Variants in BACH2 observed in about 807,000 individuals in gnomAD.
BACH2 encodes transcription regulator protein BACH2.
A neutral mutation model predicts 61.8 loss-of-function variants in BACH2; 5 were observed. That is an observed-to-expected ratio of 0.08 (90% CI 0.04 to 0.17). The LOEUF (loss-of-function observed/expected upper bound fraction) is 0.17, where lower values mean the gene tolerates loss of function less well. Ranked by LOEUF, BACH2 falls within the 10% of genes least tolerant of loss-of-function variation. The pLI, the probability that BACH2 is intolerant of heterozygous loss-of-function variation, is 1.00. For missense variants in BACH2, 824 were observed against 1,091.1 expected (o/e 0.76, Z 3.45); for synonymous variants, 446 against 440.1 (o/e 1.01, Z -0.17).
intron 5 of BACH2, among the ~76,000 whole-genome samples, chr6:90,051,049 G>C (rs1466768254): frequency 6.6e-6 from 1 of 151,998 alleles, no homozygotes; most frequent in Non-Finnish European, 1.5e-5. Context: ...TGGGATTACA[G>C]GCTTTTACAG....
At chr6:90,200,662 A>G (rs1194239747) in intron 4 of BACH2, among the ~76,000 whole-genome samples, 1 of 152,210 alleles carries the variant, frequency 6.6e-6, no homozygotes, top group East Asian at 1.9e-4. Context: ...ATACACAAAT[A>G]TTGTAGAAAA....
At chr6:90,224,170 C>T (rs544943073) in intron 3 of BACH2, among the ~76,000 whole-genome samples, 1 of 152,276 alleles carries the variant, frequency 6.6e-6, no homozygotes, top group East Asian at 1.9e-4. Context: ...GGAGAAAATG[C>T]AGCAGTCAAG....
chr6:90,289,624 A>C (rs1772121011), intron 1 of BACH2, among the ~76,000 whole-genome samples: 2 of 152,216 alleles, frequency 1.3e-5, no homozygotes, highest in African/African-American at 4.8e-5. Context: ...CTCAACACTA[A>C]TGATACATGA....
At chr6:90,216,737 GAGC>G (rs138290348) in intron 3 of BACH2, among the ~76,000 whole-genome samples, 3,873 of 152,288 alleles carry the variant, frequency 0.025, 174 homozygotes, top group African/African-American at 0.088. Flanking sequence ...AAGAAATGTG[GAGC>G]AGAAGTTCTG....
chr6:90,041,060 C>G (rs1463471946), intron 5 of BACH2, among the ~76,000 whole-genome samples: 1 of 152,158 alleles, frequency 6.6e-6, no homozygotes, highest in African/African-American at 2.4e-5. Context: ...TACACTTCTA[C>G]TTTCTTTCTC....
In BACH2 at chr6:90,262,048, T is replaced by G. The variant is rs977375991; in HGVS notation, c.-352-9458A>C. On this transcript the variant is annotated intron_variant, in intron 2 of 8. Coordinates refer to ENST00000257749, the MANE Select transcript of BACH2 (RefSeq NM_021813.4). ...AAAGCACAAATTTCATCATGAAACC[T>G]CTGCATTGAGATTCCTGAAGTTGTT... is the stretch of plus-strand genomic sequence containing the variant. Among the ~76,000 whole-genome samples, 36 of 152,158 alleles carry G rather than the reference T, an allele frequency of 2.4e-4. 1 individual carries two copies. The highest frequency in any genetic ancestry group is 7.5e-4 in the African/African-American group (31 of 41,432).
intron 5 of BACH2, among the ~76,000 whole-genome samples, chr6:90,077,584 G>C (rs1781528008): frequency 1.3e-5 from 2 of 152,078 alleles, no homozygotes; most frequent in African/African-American, 4.8e-5. Context: ...TAAATTATAA[G>C]TCACAAGTTG....
At chr6:90,223,440 G>A (rs1001915051) in intron 3 of BACH2, among the ~76,000 whole-genome samples, 4 of 152,120 alleles carry the variant, frequency 2.6e-5, no homozygotes, top group Admixed American at 2.6e-4. Context: ...CTTGTGAGAT[G>A]GAGTGGGGCT....
rs1181272258 is a variant in BACH2 at position 89,931,739 on chromosome 6, A to G, written c.*669T>C. On this transcript the variant is annotated 3_prime_UTR_variant, in exon 9 of 9. Transcript: ENST00000257749. The stretch of plus-strand genomic sequence containing the variant: ...AAAACCTTGGGAAAAAGCTTCCAAC[A>G]CTGAATTTTGTCCATAAATAAGTAC... 6.6e-6 allele frequency: 1 copy of G among 152,646 alleles called. No homozygotes were observed. The highest frequency in any genetic ancestry group is 1.5e-5 in the Non-Finnish European group (1 of 68,030). The allele number at this position is 152,646 out of a possible 1,614,324, so 9.5% of individuals were successfully genotyped here. A position where few individuals can be genotyped will look rare whatever the true frequency, so the allele number is the denominator to read the frequency against.
chr6:90,004,274 A>G (rs1236255038), intron 6 of BACH2, among the ~76,000 whole-genome samples: 1 of 152,140 alleles, frequency 6.6e-6, no homozygotes, highest in East Asian at 1.9e-4. Context: ...AGCACTGAAA[A>G]GTGAGATTTG....
At chr6:90,199,974 T>C (rs759905062) in intron 4 of BACH2, among the ~76,000 whole-genome samples, 1 of 152,172 alleles carries the variant, frequency 6.6e-6, no homozygotes, top group African/African-American at 2.4e-5. Context: ...ACGGCCCTTT[T>C]ACAGGCTCAC....
intron 5 of BACH2, among the ~76,000 whole-genome samples, chr6:90,056,651 C>G (rs1398239838): frequency 6.6e-6 from 1 of 152,120 alleles, no homozygotes; most frequent in Non-Finnish European, 1.5e-5. Context: ...CTCTCCACCC[C>G]AAATCAACAG....
At chr6:90,268,364 TTGAGGA>T (rs552885344) in intron 2 of BACH2, among the ~76,000 whole-genome samples, 191 of 152,242 alleles carry the variant, frequency 1.3e-3, no homozygotes, top group Non-Finnish European at 2.1e-3. Flanking sequence ...AAAACCCACT[TTGAGGA>T]TATGTTCTGA....
intron 5 of BACH2, among the ~76,000 whole-genome samples, chr6:90,049,969 A>G (rs1779959599): frequency 6.6e-6 from 1 of 152,238 alleles, no homozygotes; most frequent in South Asian, 2.1e-4. Flanking sequence ...CATTTTCTTG[A>G]AATTGAACAA....
rs140024763 is a variant in BACH2 at position 90,039,423 on chromosome 6, C to T, written c.-12-30567G>A. Among the ~76,000 whole-genome samples the T allele has an allele frequency of 5.4e-3, 820 of 152,054 alleles. 7 individuals are homozygous for T. The highest frequency in any genetic ancestry group is 0.018 in the African/African-American group (738 of 41,458). The stretch of plus-strand genomic sequence containing the variant: ...TTTTTGAGATGGAGTCTCACTGTGT[C>T]GCCCAGGCTGGAATGCAGAGGCGCG... On this transcript the variant is annotated intron_variant, in intron 5 of 8. Transcript: ENST00000257749.
intron 5 of BACH2, among the ~76,000 whole-genome samples, chr6:90,044,393 G>C (rs1320326967): frequency 1.3e-5 from 2 of 152,176 alleles, no homozygotes; most frequent in South Asian, 2.1e-4. Context: ...GACTCAAAAG[G>C]CCAGAGTGCA....
chr6:90,022,848 C>T (rs563196616), intron 5 of BACH2, among the ~76,000 whole-genome samples: 29 of 152,122 alleles, frequency 1.9e-4, no homozygotes, highest in South Asian at 1.0e-3. Context: ...AGATTATGAC[C>T]GAATAATTCC....
At chr6:89,953,700 A>G (rs532815416) in intron 6 of BACH2, among the ~76,000 whole-genome samples, 1 of 152,336 alleles carries the variant, frequency 6.6e-6, no homozygotes, top group African/African-American at 2.4e-5. Context: ...GTTACCAAAT[A>G]TGTCATGAGT....
At chr6:90,022,589 T>TGAATGAAC (rs1224992106) in intron 5 of BACH2, among the ~76,000 whole-genome samples, 4 of 152,138 alleles carry the variant, frequency 2.6e-5, no homozygotes, top group African/African-American at 7.2e-5. Flanking sequence ...GTTTCAAAAA[T>TGAATGAAC]GAATGAACGA....
Sources: gnomAD v4.1 joint callset for allele counts (sites outside exome capture counted in the v4.1 genomes callset) on GRCh38, gnomAD v4.1.1 for gene constraint, MANE v1.5 for transcripts, NCBI Gene and HGNC (gene_info 2026-07-23, HGNC 2026-07-21) for gene names.